The following SERPINE3 variants were observed in gnomAD, a reference collection of about 807,000 sequenced individuals.
The protein encoded by SERPINE3 is serpin E3.
In SERPINE3, 43 loss-of-function variants were observed where a neutral mutation model predicts 41.7. The observed-to-expected ratio is 1.03, with a 90% CI of 0.81 to 1.33. The LOEUF (loss-of-function observed/expected upper bound fraction) is 1.33, where lower values mean the gene tolerates loss of function less well. Ranked by LOEUF, SERPINE3 falls within the 40% of genes most tolerant of loss-of-function variation. The probability of loss-of-function intolerance (pLI) is 0.00; values close to 1 mark genes in which losing one functional copy is unlikely to be tolerated. For synonymous variants in SERPINE3, 200 were observed against 192.2 expected (o/e 1.04, Z -0.34); for missense variants, 440 against 491.7 (o/e 0.89, Z 0.99).
At chr13:51,347,833 G>C (rs1426957766) in intron 5 of SERPINE3, among the ~76,000 whole-genome samples, 1 of 151,948 alleles carries the variant, frequency 6.6e-6, no homozygotes, top group Non-Finnish European at 1.5e-5. Flanking sequence ...TCATCAGATC[G>C]AGAAAACATA....
At chr13:51,346,953 C>A in intron 4 of SERPINE3, 72 bp from the exon 5 acceptor site, 1 of 1,151,084 alleles carries the variant, frequency 8.7e-7, no homozygotes, top group Non-Finnish European at 1.3e-6. Context: ...ACTCCTTGTC[C>A]GCACACACAC....
Position 51,348,351 on chromosome 13 carries a change from G to C in SERPINE3, c.839G>C (p.Ser280Thr). ...LSHIEPHLTA[S>T]TIHLWTTSLR... is the part of the protein sequence containing the mutation. ...CACATCGAGCCACACCTCACAGCCA[G>C]CACCATCCACCTCTGGACCACCAGC... Residue 280 changes from serine to threonine, a missense_variant, in exon 6 of 10, where the codon AGC becomes ACC. Physicochemically the swap from Ser to Thr is moderately conservative, Grantham distance 58. Transcript: ENST00000681248. 1 of 1,613,922 alleles carries C rather than the reference G, an allele frequency of 6.2e-7. No homozygotes were observed. Among genetic ancestry groups the C allele is most frequent in the Non-Finnish European group, 8.5e-7 (1 of 1,179,878 alleles).
intron 3 of SERPINE3, 150 bp from the exon 4 acceptor site, chr13:51,344,102 C>T: frequency 1.5e-6 from 1 of 650,852 alleles, no homozygotes; most frequent in Non-Finnish European, 2.7e-6. Flanking sequence ...TTAGCTATGA[C>T]TTTTTCAAAC....
intron 4 of SERPINE3, among the ~76,000 whole-genome samples, chr13:51,345,164 C>T (rs879214055): frequency 3.3e-5 from 5 of 152,216 alleles, no homozygotes; most frequent in Admixed American, 6.5e-5. Context: ...AAGGGGTAGG[C>T]GCTATTACTC....
intron 7 of SERPINE3, among the ~76,000 whole-genome samples, chr13:51,359,929 A>G (rs1955538321): frequency 6.6e-6 from 1 of 152,010 alleles, no homozygotes. Flanking sequence ...TTCTTTGCTG[A>G]TTTTAGGACA....
At chr13:51,346,422 G>A (rs1304875904) in intron 4 of SERPINE3, among the ~76,000 whole-genome samples, 1 of 152,118 alleles carries the variant, frequency 6.6e-6, no homozygotes, top group Admixed American at 6.5e-5. Flanking sequence ...CTAGGAAATG[G>A]CCCCAAACAG....
intron 6 of SERPINE3, among the ~76,000 whole-genome samples, chr13:51,350,166 A>G (rs1955390560): frequency 6.6e-6 from 1 of 152,170 alleles, no homozygotes; most frequent in South Asian, 2.1e-4. Context: ...GTGGGTAGCA[A>G]TGCAAAATTG....
At chr13:51,342,178 CAAA>C (rs869298134) in intron 3 of SERPINE3, among the ~76,000 whole-genome samples, 2 of 63,582 alleles carry the variant, frequency 3.1e-5, no homozygotes, top group South Asian at 6.3e-4. Context: ...AAAGACAGAA[CAAA>C]AAAAAAAAAA....
intron 9 of SERPINE3, 141 bp downstream of exon 9, chr13:51,362,034 A>G (rs1161256407): frequency 1.2e-6 from 2 of 1,600,558 alleles, no homozygotes; most frequent in South Asian, 1.1e-5. Context: ...CCCAGTTGCT[A>G]TCTTCTATCC....
intron 5 of SERPINE3, among the ~76,000 whole-genome samples, chr13:51,347,858 C>T (rs988225821): frequency 9.9e-5 from 15 of 151,954 alleles, no homozygotes; most frequent in Non-Finnish European, 1.3e-4. Flanking sequence ...ATGCAGGGCT[C>T]GTTACCATCC....
Position 51,354,591 on chromosome 13 carries a change from G to GA in SERPINE3, c.900-438dup, listed in dbSNP as rs11318595. ...GGCAACATAGGGAGACCCCATCTCA[G>GA]AAAAAAAAAAAAAAGTGTTTAAAAA... On this transcript the variant is annotated intron_variant, in intron 6 of 9. Transcript: ENST00000681248. 4.0e-3 allele frequency among the ~76,000 whole-genome samples: 524 copies of GA among 129,914 alleles called. 2 individuals are homozygous for GA. Among genetic ancestry groups the GA allele is most frequent in the South Asian group, 0.012 (53 of 4,264 alleles). 85.2% of individuals were successfully genotyped at this position (129,914 alleles called of 152,430 possible).
chr13:51,349,405 T>C (rs1287573514), intron 6 of SERPINE3, among the ~76,000 whole-genome samples: 1 of 152,154 alleles, frequency 6.6e-6, no homozygotes, highest in Admixed American at 6.5e-5. Flanking sequence ...AAACTAAATA[T>C]TTGGACCCCA....
intron 6 of SERPINE3, among the ~76,000 whole-genome samples, chr13:51,349,696 C>T (rs2137788051): frequency 6.6e-6 from 1 of 152,338 alleles, no homozygotes; most frequent in Non-Finnish European, 1.5e-5. Context: ...CCTGATTCTG[C>T]TTTTAGGAGT....
At chr13:51,344,120 G>T in intron 3 of SERPINE3, 132 bp from the exon 4 acceptor site, 1 of 684,778 alleles carries the variant, frequency 1.5e-6, no homozygotes, top group Non-Finnish European at 2.6e-6. Flanking sequence ...AACTGGCTTT[G>T]TATGGTAGAT....
Position 51,364,359 on chromosome 13 carries a change from A to G in SERPINE3, c.*77A>G. On this transcript the variant is annotated 3_prime_UTR_variant, in exon 10 of 10. Transcript: ENST00000681248. The stretch of plus-strand genomic sequence containing the variant: ...ATTTTGCTATACCCTTGAAATTTAA[A>G]AAAATGTCTGATAAAGTGTAAAAAG... The G allele has an allele frequency of 1.3e-6, 1 of 784,130 alleles. No individual in the cohort carries two copies. The highest frequency in any genetic ancestry group is 1.9e-6 in the Non-Finnish European group (1 of 513,854). The allele number at this position is 784,130 out of a possible 1,614,324, so 48.6% of individuals were successfully genotyped here. A position where few individuals can be genotyped will look rare whatever the true frequency, so the allele number is the denominator to read the frequency against.
intron 6 of SERPINE3, among the ~76,000 whole-genome samples, chr13:51,351,579 G>A (rs1271573445): frequency 6.6e-6 from 1 of 152,100 alleles, no homozygotes; most frequent in East Asian, 1.9e-4. Context: ...TCATTCTGTG[G>A]TTTTTCTTTT....
intron 6 of SERPINE3, among the ~76,000 whole-genome samples, chr13:51,352,471 GT>G (rs796835423): frequency 2.0e-5 from 3 of 150,222 alleles, no homozygotes; most frequent in African/African-American, 7.3e-5. Flanking sequence ...GCTCTGATAG[GT>G]TTTTTTTTGT....
In SERPINE3 at chr13:51,355,114, C is replaced by A; in HGVS notation, c.971C>A (p.Pro324Gln). The change falls in exon 7 of 10, where the codon CCA becomes CAA. Residue 324 changes from proline (P) to glutamine (Q), a missense_variant. Pro to Gln is a moderately conservative substitution (Grantham distance 76). Coordinates refer to ENST00000681248, the MANE Select transcript of SERPINE3 (RefSeq NM_001386375.1). ...NSWGVTDLFD[P>Q]LKANLKGISG... ...TGGGGAGTCACCGATCTTTTTGATC[C>A]ACTCAAAGCTAACTTGAAAGGAATT... 1 of 1,543,922 alleles carries A rather than the reference C, an allele frequency of 6.5e-7. No homozygotes were observed. The highest frequency in any genetic ancestry group is 2.4e-5 in the East Asian group (1 of 41,474).
At chr13:51,356,222 C>T (rs973151967) in intron 7 of SERPINE3, among the ~76,000 whole-genome samples, 1 of 152,058 alleles carries the variant, frequency 6.6e-6, no homozygotes, top group Non-Finnish European at 1.5e-5. Flanking sequence ...GTGTCCACAA[C>T]GATGCTTGGC....
Sources: allele counts gnomAD v4.1 joint callset (sites outside exome capture counted in the v4.1 genomes callset), GRCh38; gene constraint gnomAD v4.1.1; transcripts MANE v1.5; gene names NCBI Gene and HGNC (gene_info 2026-07-23, HGNC 2026-07-21).